Variants in VPS13B observed in about 807,000 individuals in gnomAD.
VPS13B encodes the protein intermembrane lipid transfer protein VPS13B.
In VPS13B, 285 loss-of-function variants were observed where a neutral mutation model predicts 426.4. The observed-to-expected ratio is 0.67, with a 90% CI of 0.61 to 0.74. The LOEUF (loss-of-function observed/expected upper bound fraction) is 0.74, where lower values mean the gene tolerates loss of function less well. VPS13B is among the 30% of genes least tolerant of loss of function. The pLI, the probability that VPS13B is intolerant of heterozygous loss-of-function variation, is 0.00. For missense variants in VPS13B, 4,537 were observed against 4,782.6 expected (o/e 0.95, Z 1.51); for synonymous variants, 1,676 against 1,676.4 (o/e 1.00, Z 0.01).
intron 19 of VPS13B, among the ~76,000 whole-genome samples, chr8:99,379,539 A>G (rs1456748283): frequency 3.3e-5 from 5 of 152,170 alleles, no homozygotes; most frequent in Non-Finnish European, 5.9e-5. Flanking sequence ...GTGGAAAATA[A>G]TAATTGGCTA....
intron 33 of VPS13B, among the ~76,000 whole-genome samples, chr8:99,601,019 C>T (rs982148158): frequency 1.3e-5 from 2 of 151,848 alleles, no homozygotes; most frequent in Non-Finnish European, 2.9e-5. Flanking sequence ...TTTTATTATA[C>T]TTTAAGTTCT....
At position 99,877,062 on chromosome 8, in the gene VPS13B, A is replaced by C. The variant is rs1169722183; in HGVS notation, c.*1396A>C. 1 of 152,110 alleles carries C rather than the reference A, an allele frequency of 6.6e-6. No individual in the cohort carries two copies. Among genetic ancestry groups the C allele is most frequent in the Non-Finnish European group, 1.5e-5 (1 of 68,062 alleles). The allele number at this position is 152,110 out of a possible 1,614,324, so 9.4% of individuals were successfully genotyped here. On this transcript the variant is annotated 3_prime_UTR_variant, in exon 62 of 62. Coordinates refer to ENST00000357162, the MANE Select transcript of VPS13B (RefSeq NM_152564.5). ...TTTTTTCTAGAGATGAGGTCTCACTATGTTGCCCAGCTGGTCTCATACTCC... is the reference window on the plus strand; with the variant it reads ...TTTTTTCTAGAGATGAGGTCTCACTCTGTTGCCCAGCTGGTCTCATACTCC...
At chr8:99,265,957 C>T (rs540872447) in intron 17 of VPS13B, among the ~76,000 whole-genome samples, 7 of 152,174 alleles carry the variant, frequency 4.6e-5, no homozygotes, top group African/African-American at 9.6e-5. Flanking sequence ...GTTAGTTTAG[C>T]GCCTTAAAAT....
chr8:99,683,905 C>G (rs1831262301), intron 35 of VPS13B, among the ~76,000 whole-genome samples: 1 of 152,132 alleles, frequency 6.6e-6, no homozygotes, highest in Non-Finnish European at 1.5e-5. Context: ...AAGGGACATC[C>G]TTGCCTTGTT....
chr8:99,641,666 C>G (rs1829367982), intron 33 of VPS13B, 145 bp from the exon 34 acceptor site: 1 of 740,550 alleles, frequency 1.4e-6, no homozygotes, highest in Non-Finnish European at 2.1e-6. Flanking sequence ...AAAATGGGCA[C>G]CTATTCTATT....
intron 30 of VPS13B, among the ~76,000 whole-genome samples, chr8:99,543,125 T>A (rs1310682311): frequency 6.6e-6 from 1 of 152,068 alleles, no homozygotes; most frequent in African/African-American, 2.4e-5. Flanking sequence ...TATAGATCAA[T>A]GGAACAAAAC....
At chr8:99,296,072 G>T (rs1230802048) in intron 19 of VPS13B, among the ~76,000 whole-genome samples, 1 of 152,098 alleles carries the variant, frequency 6.6e-6, no homozygotes, top group African/African-American at 2.4e-5. Flanking sequence ...AGTTTCTATT[G>T]ACTGCATATG....
chr8:99,554,372 A>G (rs1296381346), intron 30 of VPS13B, among the ~76,000 whole-genome samples: 3 of 152,160 alleles, frequency 2.0e-5, no homozygotes, highest in South Asian at 2.1e-4. Context: ...TAGGCCATCA[A>G]CTGCCTCAGA....
chr8:99,467,599 C>T lies in VPS13B; in HGVS notation c.3631C>T (p.Leu1211=). Residue 1211 remains leucine, a synonymous_variant, in exon 24 of 62, where the codon CTA becomes TTA. Coordinates refer to ENST00000357162, the MANE Select transcript of VPS13B (RefSeq NM_152564.5). ...HSFVVCLHVD[L]ESLEIKCSNP... ...ATTTGTTGTCTGTCTCCATGTTGAC[C>T]TAGAGTCACTAGAGATAAAATGCTC... 3 of 1,612,798 alleles carry T rather than the reference C, an allele frequency of 1.9e-6. No individual in the cohort carries two copies. Among genetic ancestry groups the T allele is most frequent in the South Asian group, 2.2e-5 (2 of 91,080 alleles).
chr8:99,303,727 T>A (rs1820493785), intron 19 of VPS13B, among the ~76,000 whole-genome samples: 1 of 5,974 alleles, frequency 1.7e-4, no homozygotes, highest in Non-Finnish European at 5.0e-4. Flanking sequence ...TGAGACTCCG[T>A]CTCAAAAAAA....
chr8:99,520,838 T>G (rs1273173707), intron 29 of VPS13B, 61 bp from the exon 30 acceptor site: 3 of 1,340,408 alleles, frequency 2.2e-6, no homozygotes, highest in Non-Finnish European at 3.2e-6. Flanking sequence ...AGATTTCTCC[T>G]TATGCATAAA....
intron 19 of VPS13B, among the ~76,000 whole-genome samples, chr8:99,294,529 T>C (rs1295627553): frequency 6.7e-6 from 1 of 149,830 alleles, no homozygotes; most frequent in Non-Finnish European, 1.5e-5. Flanking sequence ...ACCCTAAAAC[T>C]TAAAGTATAA....
Position 99,273,283 on chromosome 8 carries a change from C to T in VPS13B, c.2516-915C>T, listed in dbSNP as rs182039416. 5.8e-3 allele frequency among the ~76,000 whole-genome samples: 884 copies of T among 151,748 alleles called. 7 individuals are homozygous for T. The highest frequency in any genetic ancestry group is 0.017 in the African/African-American group (723 of 41,404). On this transcript the variant is annotated intron_variant, in intron 17 of 61. Transcript: ENST00000357162. ...AGGTGATTCTCCTGCCTCAGCCTCCCGAGCAGCTCGGACCACAGGCGCATG... is the reference window on the plus strand; with the variant it reads ...AGGTGATTCTCCTGCCTCAGCCTCCTGAGCAGCTCGGACCACAGGCGCATG...
At chr8:99,090,964 G>A (rs1247453308) in intron 3 of VPS13B, among the ~76,000 whole-genome samples, 1 of 152,042 alleles carries the variant, frequency 6.6e-6, no homozygotes, top group Non-Finnish European at 1.5e-5. Context: ...GAGGGAGGTG[G>A]CAATCGGATA....
chr8:99,736,774 T>C (rs1465704970), intron 39 of VPS13B, among the ~76,000 whole-genome samples: 2 of 152,128 alleles, frequency 1.3e-5, no homozygotes, highest in Non-Finnish European at 2.9e-5. Context: ...TATTTTTGCC[T>C]CCATGTATTT....
intron 8 of VPS13B, among the ~76,000 whole-genome samples, chr8:99,129,655 A>G (rs983331478): frequency 2.0e-5 from 3 of 151,632 alleles, no homozygotes; most frequent in African/African-American, 7.3e-5. Context: ...TAAAGCACTT[A>G]TTTTTGTGGA....
At chr8:99,176,255 C>T (rs1812627078) in intron 16 of VPS13B, among the ~76,000 whole-genome samples, 1 of 152,104 alleles carries the variant, frequency 6.6e-6, no homozygotes, top group Non-Finnish European at 1.5e-5. Flanking sequence ...GTTCCTCAAC[C>T]TCCTGAGTAG....
intron 33 of VPS13B, among the ~76,000 whole-genome samples, chr8:99,629,395 A>T (rs1828746189): frequency 6.6e-6 from 1 of 152,220 alleles, no homozygotes; most frequent in Non-Finnish European, 1.5e-5. Context: ...AAGTGGATAT[A>T]ACATGCTCTT....
rs764218807 is a variant in VPS13B at position 99,832,490 on chromosome 8, A to G, written c.9452A>G (p.Asp3151Gly). ...LMPDISQSVL[D>G]ASLLQKQIML... ...CCTGACATCAGTCAGTCAGTACTGGATGCATCCCTGCTTCAGAAACAGATC... is the reference window on the plus strand; with the variant it reads ...CCTGACATCAGTCAGTCAGTACTGGGTGCATCCCTGCTTCAGAAACAGATC... Residue 3151 changes from aspartate to glycine, a missense_variant, in exon 52 of 62, where the codon GAT becomes GGT. Asp to Gly is a moderately conservative substitution (Grantham distance 94). Transcript: ENST00000357162. 1.9e-5 allele frequency: 30 copies of G among 1,613,296 alleles called. No homozygotes were observed. The highest frequency in any genetic ancestry group is 2.4e-5 in the Non-Finnish European group (28 of 1,179,942).
Sources: allele counts gnomAD v4.1 joint callset (sites outside exome capture counted in the v4.1 genomes callset), GRCh38; gene constraint gnomAD v4.1.1; transcripts MANE v1.5; gene names NCBI Gene and HGNC (gene_info 2026-07-23, HGNC 2026-07-21).